The following MYORG variants were observed in gnomAD, a reference collection of about 807,000 sequenced individuals.
MYORG encodes the protein alpha-galactosidase MYORG.
MYORG carries 45 observed loss-of-function variants against 49.8 expected under a neutral mutation model. The observed-to-expected ratio is 0.90, with a 90% confidence interval of 0.71 to 1.16. The LOEUF (loss-of-function observed/expected upper bound fraction) is 1.16. Among genes scored for constraint, MYORG ranks in the 50% most tolerant of loss-of-function variants. The pLI, the probability that MYORG is intolerant of heterozygous loss-of-function variation, is 0.00. For synonymous variants in MYORG, 552 were observed against 462.9 expected, an observed-to-expected ratio of 1.19 and a Z score of -2.47; for missense variants, 1,110 against 1,026.5, an observed-to-expected ratio of 1.08 and a Z score of -1.11.
At position 34,372,459 on chromosome 9, in the gene MYORG, CG is replaced by C. The variant is rs1299659859; in HGVS notation, c.484del (p.Arg162AlafsTer30). 6.3e-7 allele frequency: 1 copy of C among 1,588,278 alleles called. No homozygotes were observed. The highest frequency in any genetic ancestry group is 8.6e-7 in the Non-Finnish European group (1 of 1,168,730). On this transcript the variant is annotated frameshift_variant, in exon 2 of 2. Coordinates refer to ENST00000297625, the MANE Select transcript of MYORG (RefSeq NM_020702.5). LOFTEE classifies it high-confidence loss of function. ...CCGGCCCGGCGCTGCCTCCTCCCAG[CG>C]CACGCGGTAGCACATGACCGTGTCC... ...PKDTVMCYRV[R>X]WEEAAPGRAV...
chr9:34,371,602 G>T lies in MYORG; in HGVS notation c.1342C>A (p.Leu448Met). Residue 448 changes from leucine (L) to methionine (M), a missense_variant, in exon 2 of 2, where the codon CTG becomes ATG. Physicochemically the swap from Leu to Met is conservative, Grantham distance 15 (BLOSUM62 2). Coordinates refer to ENST00000297625, the MANE Select transcript of MYORG (RefSeq NM_020702.5). Reference protein sequence around the residue: ...PKARDWFQGHLRRLRSRYSVA... With the variant: ...PKARDWFQGHMRRLRSRYSVA... Reference sequence around the variant, plus strand: ...GAGTAGCGAGAGCGCAGCCGCCGCAGGTGTCCCTGGAACCAGTCGCGGGCC... The same window carrying T: ...GAGTAGCGAGAGCGCAGCCGCCGCATGTGTCCCTGGAACCAGTCGCGGGCC... The T allele has an allele frequency of 6.2e-7, 1 of 1,606,002 alleles. No individual in the cohort carries two copies. The highest frequency in any genetic ancestry group is 8.5e-7 in the Non-Finnish European group (1 of 1,178,488).
intron 1 of MYORG, among the ~76,000 whole-genome samples, chr9:34,374,853 G>A (rs1168179280): frequency 6.8e-6 from 1 of 147,402 alleles, no homozygotes; most frequent in East Asian, 2.0e-4. Flanking sequence ...AGTGAGCCAA[G>A]ATTGTGCCAC....
chr9:34,371,780 CG>C lies in MYORG; in HGVS notation c.1163del (p.Thr388SerfsTer46). 6.2e-7 allele frequency: 1 copy of C among 1,613,908 alleles called. No homozygotes were observed. Among genetic ancestry groups the C allele is most frequent in the Non-Finnish European group, 8.5e-7 (1 of 1,179,822 alleles). On this transcript the variant is annotated frameshift_variant, in exon 2 of 2. Transcript: ENST00000297625. LOFTEE classifies it high-confidence loss of function. ...AGTTGACAAAAGGGTGCACCCAGAG[CG>C]TGACGCGGAAGCCGGCGTCGCGCAG... ...RRLRDAGFRV[T>X]LWVHPFVNYN...
rs368918697 is a variant in MYORG, at chr9:34,372,089, C to T, written c.855G>A (p.Val285=). ...TGTGGATGGAGGTGACGTCTGAGCC[C>T]ACGCACACTCGGTAGCTCAGCTCTG... ...AAPELSYRVC[V]GSDVTSIHKY... The change falls in exon 2 of 2, where the codon GTG becomes GTA. Residue 285 remains valine, a synonymous_variant. Transcript: ENST00000297625. 2 of 1,613,366 alleles carry T rather than the reference C, an allele frequency of 1.2e-6. No homozygotes were observed. The highest frequency in any genetic ancestry group is 1.3e-5 in the African/African-American group (1 of 74,958).
Position 34,372,719 on chromosome 9 carries a change from C to G in MYORG, c.225G>C (p.Trp75Cys). The G allele has an allele frequency of 6.2e-7, 1 of 1,613,082 alleles. No individual in the cohort carries two copies. The highest frequency in any genetic ancestry group is 8.5e-7 in the Non-Finnish European group (1 of 1,179,586). The change falls in exon 2 of 2, where the codon TGG becomes TGC. Residue 75 changes from tryptophan to cysteine, a missense_variant. Transcript: ENST00000297625. ...TGCGTAGGGAGACGCTGTAGTAGCA[C>G]CAGGCCACCACCGCGGCCAGCACAA... is the stretch of plus-strand genomic sequence containing the variant. ...LLLVLAAVVAWCYYSVSLRKA... is the reference protein window; with the variant it reads ...LLLVLAAVVACCYYSVSLRKA...
At position 34,376,182 on chromosome 9, in the gene MYORG, G is replaced by A. The variant is rs760007654; in HGVS notation, c.-64+611C>T. Among the ~76,000 whole-genome samples the A allele has an allele frequency of 6.6e-6, 1 of 152,216 alleles. No homozygotes were observed. The highest frequency in any genetic ancestry group is 1.5e-5 in the Non-Finnish European group (1 of 68,038). The stretch of plus-strand genomic sequence containing the variant: ...GGGCTGGTGCTGCTGCTTGCTCCAC[G>A]CGGACCACGAAGACCACGAGGGCAG... On this transcript the variant is annotated intron_variant, in intron 1 of 1. Transcript: ENST00000297625. The surrounding 1 kb of genome is among the most constrained non-coding windows in gnomAD (Gnocchi z 4.4).
In MYORG at chr9:34,371,786, G is replaced by T. The variant is rs764174333; in HGVS notation, c.1158C>A (p.Arg386=). ...MFRRLRDAGF[R]VTLWVHPFVN... ...CAAAAGGGTGCACCCAGAGCGTGAC[G>T]CGGAAGCCGGCGTCGCGCAGGCGGC... Residue 386 remains arginine (R), a synonymous_variant, in exon 2 of 2, where the codon CGC becomes CGA. Transcript: ENST00000297625. 3 of 1,613,938 alleles carry T rather than the reference G, an allele frequency of 1.9e-6. No homozygotes were observed. Among genetic ancestry groups the T allele is most frequent in the Non-Finnish European group, 2.5e-6 (3 of 1,179,816 alleles).
intron 1 of MYORG, among the ~76,000 whole-genome samples, chr9:34,374,737 CAA>C (rs35145584): frequency 5.8e-4 from 80 of 138,138 alleles, no homozygotes; most frequent in Non-Finnish European, 7.5e-4. Flanking sequence ...ACCAAAAATA[CAA>C]AAAAAAAAAA....
chr9:34,366,762 A>T lies in MYORG; in HGVS notation c.*4037T>A, dbSNP rs1468212914. On this transcript the variant is annotated 3_prime_UTR_variant, in exon 2 of 2. Coordinates refer to ENST00000297625, the MANE Select transcript of MYORG (RefSeq NM_020702.5). ...AATTCTTACAACAACCTCGGGAGGT[A>T]GGCATTATTATCACCATTTGACATA... The T allele has an allele frequency of 6.6e-6, 1 of 152,244 alleles. No individual in the cohort carries two copies. Among genetic ancestry groups the T allele is most frequent in the African/African-American group, 2.4e-5 (1 of 41,468 alleles). The allele number at this position is 152,244 out of a possible 1,614,324, so 9.4% of individuals were successfully genotyped here. A position where few individuals can be genotyped will look rare whatever the true frequency, so the allele number is the denominator to read the frequency against.
At position 34,372,585 on chromosome 9, in the gene MYORG, A is replaced by G; in HGVS notation, c.359T>C (p.Leu120Pro). 1 of 1,602,014 alleles carries G rather than the reference A, an allele frequency of 6.2e-7. No individual in the cohort carries two copies. Among genetic ancestry groups the G allele is most frequent in the Non-Finnish European group, 8.5e-7 (1 of 1,174,890 alleles). The change falls in exon 2 of 2, where the codon CTG becomes CCG. Residue 120 changes from leucine (L) to proline (P), a missense_variant. Coordinates refer to ENST00000297625, the MANE Select transcript of MYORG (RefSeq NM_020702.5). ...VFRLAFRSGA[L>P]DLDSCSRDGA... is the part of the protein sequence containing the mutation. ...ATCGCGGCTGCAGGAGTCAAGGTCCAGCGCGCCGGAGCGGAAGGCCAGGCG... is the reference window on the plus strand; with the variant it reads ...ATCGCGGCTGCAGGAGTCAAGGTCCGGCGCGCCGGAGCGGAAGGCCAGGCG...
rs1442564011 is a variant in MYORG at position 34,372,438 on chromosome 9, C to G, written c.506G>C (p.Gly169Ala). ...GAACATGGCGTGCTCCACGGCCCGG[C>G]CCGGCGCTGCCTCCTCCCAGCGCAC... ...YRVRWEEAAPGRAVEHAMFLG... is the reference protein window; with the variant it reads ...YRVRWEEAAPARAVEHAMFLG... Residue 169 changes from glycine to alanine, a missense_variant, in exon 2 of 2, where the codon GGC becomes GCC. Gly to Ala is a moderately conservative substitution (Grantham distance 60, BLOSUM62 0). Coordinates refer to ENST00000297625, the MANE Select transcript of MYORG (RefSeq NM_020702.5). 1 of 1,579,872 alleles carries G rather than the reference C, an allele frequency of 6.3e-7. No individual in the cohort carries two copies. Among genetic ancestry groups the G allele is most frequent in the Non-Finnish European group, 8.6e-7 (1 of 1,164,076 alleles).
In MYORG at chr9:34,371,761, CA is replaced by C. The variant is rs749244941; in HGVS notation, c.1182del (p.Phe394LeufsTer40). On this transcript the variant is annotated frameshift_variant, in exon 2 of 2. Coordinates refer to ENST00000297625, the MANE Select transcript of MYORG (RefSeq NM_020702.5). LOFTEE classifies it high-confidence loss of function. ...CCGAAGCGCGACGAGTTGTAGTTGACAAAAGGGTGCACCCAGAGCGTGACGC... is the reference window on the plus strand; with the variant it reads ...CCGAAGCGCGACGAGTTGTAGTTGACAAAGGGTGCACCCAGAGCGTGACGC... Reference protein sequence around the residue: ...GFRVTLWVHPFVNYNSSRFGE... With the variant: ...GFRVTLWVHPXVNYNSSRFGE... 2 of 1,613,756 alleles carry C rather than the reference CA, an allele frequency of 1.2e-6. No individual in the cohort carries two copies. The highest frequency in any genetic ancestry group is 1.7e-6 in the Non-Finnish European group (2 of 1,179,736).
intron 1 of MYORG, among the ~76,000 whole-genome samples, chr9:34,373,458 G>T (rs1476292390): frequency 6.6e-6 from 1 of 152,070 alleles, no homozygotes; most frequent in African/African-American, 2.4e-5. Context: ...AGCTCCTTGA[G>T]ACTTTTTTTT....
Position 34,369,968 on chromosome 9 carries a change from G to C in MYORG, c.*831C>G, listed in dbSNP as rs1261865400. The stretch of plus-strand genomic sequence containing the variant: ...GATCATCCAGCCTCAGAGAGGTTGT[G>C]TTCATTTCATAGATCAGGGACCCAT... On this transcript the variant is annotated 3_prime_UTR_variant, in exon 2 of 2. Coordinates refer to ENST00000297625, the MANE Select transcript of MYORG (RefSeq NM_020702.5). 1 of 152,360 alleles carries C rather than the reference G, an allele frequency of 6.6e-6. No homozygotes were observed. The highest frequency in any genetic ancestry group is 1.5e-5 in the Non-Finnish European group (1 of 68,096). The allele number at this position is 152,360 out of a possible 1,614,324, so 9.4% of individuals were successfully genotyped here. A position where few individuals can be genotyped will look rare whatever the true frequency, so the allele number is the denominator to read the frequency against.
chr9:34,376,149 C>T lies in MYORG; in HGVS notation c.-64+644G>A, dbSNP rs796975235. On this transcript the variant is annotated intron_variant, in intron 1 of 1. Coordinates refer to ENST00000297625, the MANE Select transcript of MYORG (RefSeq NM_020702.5). The surrounding 1 kb of genome is among the most constrained non-coding windows in gnomAD (Gnocchi z 4.4). ...ATGGACATGGCATGGTGAGGCCTGT[C>T]TTTCCAAGGGCTGGTGCTGCTGCTT... 1.3e-5 allele frequency among the ~76,000 whole-genome samples: 2 copies of T among 152,246 alleles called. No homozygotes were observed. The highest frequency in any genetic ancestry group is 2.1e-4 in the South Asian group (1 of 4,836).
rs973954089 is a variant in MYORG at position 34,367,212 on chromosome 9, A to G, written c.*3587T>C. The G allele has an allele frequency of 2.0e-5, 3 of 152,146 alleles. No individual in the cohort carries two copies. Among genetic ancestry groups the G allele is most frequent in the African/African-American group, 7.2e-5 (3 of 41,426 alleles). 9.4% of individuals were successfully genotyped at this position (152,146 alleles called of 1,614,324 possible). A position where few individuals can be genotyped will look rare whatever the true frequency, so the allele number is the denominator to read the frequency against. On this transcript the variant is annotated 3_prime_UTR_variant, in exon 2 of 2. Coordinates refer to ENST00000297625, the MANE Select transcript of MYORG (RefSeq NM_020702.5). ...ATGGGAGAAACTGCCCCTATGATTC[A>G]ATTATCTCCCACCAGGTCCCTCCCA... is the stretch of plus-strand genomic sequence containing the variant.
chr9:34,371,514 T>G lies in MYORG; in HGVS notation c.1430A>C (p.Tyr477Ser). Residue 477 changes from tyrosine (Y) to serine (S), a missense_variant, in exon 2 of 2, where the codon TAC (tyrosine) becomes TCC (serine). Physicochemically the swap from Tyr to Ser is moderately radical, Grantham distance 144. Transcript: ENST00000297625. Reference sequence around the variant, plus strand: ...GACGCTGGGGTCCGGCAGCGGCCGGTAGGTGCTGAAGTCCCGCGGCAGGTA... The same window carrying G: ...GACGCTGGGGTCCGGCAGCGGCCGGGAGGTGCTGAAGTCCCGCGGCAGGTA... ...VSYLPRDFST[Y>S]RPLPDPSVWS... 6.2e-7 allele frequency: 1 copy of G among 1,609,478 alleles called. No homozygotes were observed. Among genetic ancestry groups the G allele is most frequent in the Non-Finnish European group, 8.5e-7 (1 of 1,179,562 alleles).
Position 34,375,095 on chromosome 9 carries a change from C to T in MYORG, c.-64+1698G>A, listed in dbSNP as rs919798328. ...CCAGCCAGTTGGTTGCCCAACTGCTCCAGCTCGGGGGAAGAAGAGAAGGAG... is the reference window on the plus strand; with the variant it reads ...CCAGCCAGTTGGTTGCCCAACTGCTTCAGCTCGGGGGAAGAAGAGAAGGAG... On this transcript the variant is annotated intron_variant, in intron 1 of 1. Coordinates refer to ENST00000297625, the MANE Select transcript of MYORG (RefSeq NM_020702.5). Among the ~76,000 whole-genome samples the T allele has an allele frequency of 1.9e-4, 29 of 152,196 alleles. No homozygotes were observed. In the East Asian group the frequency reaches 2.1e-3, roughly 11 times the overall value.
At position 34,376,484 on chromosome 9, in the gene MYORG, G is replaced by A. The variant is rs369430235; in HGVS notation, c.-64+309C>T. On this transcript the variant is annotated intron_variant, in intron 1 of 1. Transcript: ENST00000297625. The surrounding 1 kb of genome is among the most constrained non-coding windows in gnomAD (Gnocchi z 4.4). Reference sequence around the variant, plus strand: ...AGTTGGACACAGTTCCCGGGGGGATGGAAATGTCAAAGGCAACTCGATCCG... The same window carrying A: ...AGTTGGACACAGTTCCCGGGGGGATAGAAATGTCAAAGGCAACTCGATCCG... 5.3e-5 allele frequency among the ~76,000 whole-genome samples: 8 copies of A among 152,222 alleles called. No individual in the cohort carries two copies. The highest frequency in any genetic ancestry group is 1.9e-4 in the African/African-American group (8 of 41,460).
Sources: gnomAD v4.1 joint callset for allele counts (sites outside exome capture counted in the v4.1 genomes callset) on GRCh38, gnomAD v4.1.1 for gene constraint, Gnocchi (gnomAD v3.1) non-coding constraint, MANE v1.5 for transcripts, NCBI Gene and HGNC (gene_info 2026-07-23, HGNC 2026-07-21) for gene names.